Variants in ZNF615 observed in about 807,000 individuals in gnomAD.
ZNF615 encodes zinc finger protein 615.
ZNF615 carries 15 observed loss-of-function variants against 15.3 expected under a neutral mutation model. That is an observed-to-expected ratio of 0.98 (90% confidence interval 0.66 to 1.51). The LOEUF is 1.51. Ranked by LOEUF, ZNF615 falls within the 40% of genes most tolerant of loss-of-function variation. The pLI is 0.00. For missense variants in ZNF615, 848 were observed against 895.9 expected, an observed-to-expected ratio of 0.95 and a Z score of 0.68; for synonymous variants, 268 against 294.6, an observed-to-expected ratio of 0.91 and a Z score of 0.92.
intron 5 of ZNF615, 151 bp downstream of exon 5, chr19:52,001,662 T>A: frequency 1.7e-6 from 1 of 576,144 alleles, no homozygotes; most frequent in Non-Finnish European, 3.1e-6. Flanking sequence ...ATATTTTCCA[T>A]ACTATAACAA....
chr19:52,006,942 A>G (rs777278249), intron 2 of ZNF615, among the ~76,000 whole-genome samples: 8 of 152,184 alleles, frequency 5.3e-5, no homozygotes, highest in Non-Finnish European at 8.8e-5. Context: ...AGAAAGCAAT[A>G]CACTGCAATA....
Position 51,994,492 on chromosome 19 carries a change from T to C in ZNF615, c.617A>G (p.Gln206Arg), listed in dbSNP as rs77230420. 0.013 allele frequency: 20,375 copies of C among 1,614,170 alleles called. 915 individuals carry two copies. In the African/African-American group the frequency reaches 0.15, roughly 12 times the overall value. The stretch of plus-strand genomic sequence containing the variant: ...GGCATTCTCTATGTTGTGAGTTCTC[T>C]GTTGCTTAATGAACTGGGACTTATT... ...PINKSQFIKQ[Q>R]RTHNIENAHV... The change falls in exon 7 of 7, where the codon CAG (glutamine) becomes CGG (arginine). Residue 206 changes from glutamine (Q) to arginine (R), a missense_variant. By Grantham distance (43) the Gln-to-Arg change is conservative (BLOSUM62 1). Transcript: ENST00000598071.
At chr19:52,002,396 C>G (rs1198312535) in intron 3 of ZNF615, 115 bp from the exon 4 acceptor site, 1 of 1,381,302 alleles carries the variant, frequency 7.2e-7, no homozygotes, top group Admixed American at 1.7e-5. Context: ...GGGTTTTTTT[C>G]TTAGTACATT....
chr19:51,997,154 T>A (rs1478491913), intron 6 of ZNF615, among the ~76,000 whole-genome samples: 2 of 151,874 alleles, frequency 1.3e-5, no homozygotes, highest in Non-Finnish European at 2.9e-5. Flanking sequence ...CCTTTCTCTA[T>A]AAAAAATACA....
Position 51,994,463 on chromosome 19 carries a change from C to G in ZNF615, c.646G>C (p.Val216Leu). Residue 216 changes from valine to leucine, a missense_variant, in exon 7 of 7, where the codon GTA (valine) becomes CTA (leucine). Val to Leu is a conservative substitution (Grantham distance 32, BLOSUM62 1). Coordinates refer to ENST00000598071, the MANE Select transcript of ZNF615 (RefSeq NM_001199324.2). ...AAGGCTTTCCCACATTCACTGCATACATGGGCATTCTCTATGTTGTGAGTT... is the reference window on the plus strand; with the variant it reads ...AAGGCTTTCCCACATTCACTGCATAGATGGGCATTCTCTATGTTGTGAGTT... Reference protein sequence around the residue: ...QRTHNIENAHVCSECGKAFLK... With the variant: ...QRTHNIENAHLCSECGKAFLK... 2 of 1,614,172 alleles carry G rather than the reference C, an allele frequency of 1.2e-6. No individual in the cohort carries two copies. The highest frequency in any genetic ancestry group is 1.7e-5 in the Admixed American group (1 of 60,032).
Position 51,993,954 on chromosome 19 carries a change from G to A in ZNF615, c.1155C>T (p.Cys385=), listed in dbSNP as rs766214704. 1.9e-6 allele frequency: 3 copies of A among 1,613,910 alleles called. No individual in the cohort carries two copies. The Admixed American group carries it at 5.0e-5, about 27-fold the overall frequency. The change falls in exon 7 of 7, where the codon TGC becomes TGT. Residue 385 remains cysteine (C), a synonymous_variant. Coordinates refer to ENST00000598071, the MANE Select transcript of ZNF615 (RefSeq NM_001199324.2). ...AGGTGAAGCCTTTCCCACATTTATT[G>A]CATATAAAGGGTTTCTCACCAGTAT... ...RTHTGEKPFI[C]NKCGKGFTLK... is the part of the protein sequence containing the mutation.
intron 6 of ZNF615, among the ~76,000 whole-genome samples, chr19:51,998,026 T>C (rs2086490832): frequency 6.6e-6 from 1 of 152,214 alleles, no homozygotes; most frequent in African/African-American, 2.4e-5. Context: ...TAATCATGAG[T>C]GTAGCAGTTC....
chr19:52,001,325 GA>G (rs1023078636), intron 5 of ZNF615, among the ~76,000 whole-genome samples: 3 of 151,632 alleles, frequency 2.0e-5, no homozygotes, highest in Non-Finnish European at 2.9e-5. Context: ...AAATCTCAAG[GA>G]AAAAAAGTGG....
At chr19:52,000,119 G>A in intron 6 of ZNF615, 1 of 382,906 alleles carries the variant, frequency 2.6e-6, no homozygotes, top group Non-Finnish European at 4.6e-6. Context: ...AAATAACTCA[G>A]AAACAGAAAA....
At chr19:51,997,818 T>C (rs545544648) in intron 6 of ZNF615, among the ~76,000 whole-genome samples, 3 of 152,344 alleles carry the variant, frequency 2.0e-5, no homozygotes, top group African/African-American at 7.2e-5. Context: ...CTACAGACAC[T>C]GGGCTTAGAT....
chr19:52,006,218 T>G (rs1011961408), intron 2 of ZNF615, among the ~76,000 whole-genome samples: 2 of 152,178 alleles, frequency 1.3e-5, no homozygotes, highest in African/African-American at 4.8e-5. Flanking sequence ...TTCAGTAATA[T>G]AAGTTTACGG....
rs546064686 is a variant in ZNF615, at chr19:51,994,311, T to G, written c.798A>C (p.Thr266=). 4.4e-5 allele frequency: 71 copies of G among 1,614,218 alleles called. 2 individuals carry two copies. The South Asian group carries it at 7.5e-4, about 17-fold the overall frequency. The change falls in exon 7 of 7, where the codon ACA becomes ACC. Residue 266 remains threonine, a synonymous_variant. Transcript: ENST00000598071. ...SRLMDHQRTH[T]ELKHYECTEC... ...CAGTGCATTCATAATGTTTCAGTTCTGTATGAGTTCTCTGATGGTCCATTA... is the reference window on the plus strand; with the variant it reads ...CAGTGCATTCATAATGTTTCAGTTCGGTATGAGTTCTCTGATGGTCCATTA...
chr19:51,993,985 C>T lies in ZNF615; in HGVS notation c.1124G>A (p.Arg375Gln), dbSNP rs1398444596. 25 of 1,612,056 alleles carry T rather than the reference C, an allele frequency of 1.6e-5. No homozygotes were observed. Among genetic ancestry groups the T allele is most frequent in the Admixed American group, 3.3e-5 (2 of 59,858 alleles). Residue 375 changes from arginine to glutamine, a missense_variant, in exon 7 of 7, where the codon CGA (arginine) becomes CAA (glutamine). Transcript: ENST00000598071. ...AAAGGGTTTCTCACCAGTATGAGTT[C>T]GATGATGTGCAGTAAGACGCCTCTT... ...IEKRRLTAHH[R>Q]THTGEKPFIC...
chr19:52,007,110 T>A (rs2086773920), intron 2 of ZNF615, among the ~76,000 whole-genome samples, 183 bp downstream of exon 2: 1 of 152,190 alleles, frequency 6.6e-6, no homozygotes, highest in South Asian at 2.1e-4. Context: ...GCACTTATAG[T>A]ACCACCGGCT....
In ZNF615 at chr19:51,993,389, T is replaced by C; in HGVS notation, c.1720A>G (p.Thr574Ala). ...CTGCATACATAGGGTTTCTCTCCTG[T>C]ATGAGTGCGCCGATGTACATTGAGA... is the stretch of plus-strand genomic sequence containing the variant. ...SHLNVHRRTH[T>A]GEKPYVCSEC... Residue 574 changes from threonine to alanine, a missense_variant, in exon 7 of 7, where the codon ACA (threonine) becomes GCA (alanine). Transcript: ENST00000598071. 1.2e-6 allele frequency: 2 copies of C among 1,614,158 alleles called. No homozygotes were observed. Among genetic ancestry groups the C allele is most frequent in the Non-Finnish European group, 1.7e-6 (2 of 1,180,004 alleles).
intron 6 of ZNF615, among the ~76,000 whole-genome samples, chr19:51,999,677 T>G (rs1202178874): frequency 6.6e-6 from 1 of 152,090 alleles, no homozygotes; most frequent in Non-Finnish European, 1.5e-5. Context: ...CAGAAATGAA[T>G]GCAGTCAAAA....
chr19:52,004,093 A>G (rs2086681746), intron 2 of ZNF615, among the ~76,000 whole-genome samples, 193 bp from the exon 3 acceptor site: 2 of 152,220 alleles, frequency 1.3e-5, no homozygotes, highest in Non-Finnish European at 1.5e-5. Context: ...CCTTCTATAT[A>G]AAGTTGACGT....
At chr19:51,998,816 G>A (rs1302127383) in intron 6 of ZNF615, among the ~76,000 whole-genome samples, 4 of 152,018 alleles carry the variant, frequency 2.6e-5, no homozygotes, top group Admixed American at 6.6e-5. Context: ...CACCACACCC[G>A]GCTAATTTTT....
rs574394960 is a variant in ZNF615 at position 51,994,184 on chromosome 19, T to C, written c.925A>G (p.Ile309Val). Residue 309 changes from isoleucine to valine, a missense_variant, in exon 7 of 7, where the codon ATC becomes GTC. Physicochemically the swap from Ile to Val is conservative, Grantham distance 29. Transcript: ENST00000598071. ...YTCSQCGKAF[I>V]KKCRLIYHQR... ...TGATAAATGAGCCGACACTTCTTGA[T>C]GAAGGCTTTCCCACATTGGCTACAT... The C allele has an allele frequency of 1.9e-6, 3 of 1,614,032 alleles. No homozygotes were observed. The highest frequency in any genetic ancestry group is 1.3e-5 in the African/African-American group (1 of 75,070).
Sources: gnomAD v4.1 joint callset for allele counts (sites outside exome capture counted in the v4.1 genomes callset) on GRCh38, gnomAD v4.1.1 for gene constraint, MANE v1.5 for transcripts, NCBI Gene and HGNC (gene_info 2026-07-23, HGNC 2026-07-21) for gene names.